Variants in DPP6 observed in about 807,000 individuals in gnomAD.
DPP6 encodes the protein dipeptidyl peptidase like 6, also known as A-type potassium channel modulatory protein DPP6.
Under a neutral mutation model 122.6 loss-of-function variants are expected in DPP6, and 69 were observed. The observed-to-expected ratio is 0.56, with a 90% CI of 0.46 to 0.69. DPP6 has a LOEUF of 0.69. DPP6 is among the 30% of genes least tolerant of loss of function. The pLI is 0.00. For synonymous variants in DPP6, 418 were observed against 433.1 expected, an observed-to-expected ratio of 0.97 and a Z score of 0.43; for missense variants, 928 against 1,116.9, an observed-to-expected ratio of 0.83 and a Z score of 2.41.
the DPP6 span, among the ~76,000 whole-genome samples, chr7:153,833,681 A>AT: frequency 6.6e-6 from 1 of 151,974 alleles, no homozygotes; most frequent in Admixed American, 6.6e-5. Context: ...CTCAAAAAAA[A>AT]AAAAGGTGGG....
At chr7:154,505,390 T>G (rs1249035002) in intron 3 of DPP6, among the ~76,000 whole-genome samples, 1 of 152,230 alleles carries the variant, frequency 6.6e-6, no homozygotes. Context: ...AGTATTGATA[T>G]AATGCATCAC....
intron 3 of DPP6, among the ~76,000 whole-genome samples, chr7:154,515,511 T>C (rs934816568): frequency 2.6e-5 from 4 of 152,086 alleles, no homozygotes; most frequent in Non-Finnish European, 5.9e-5. Flanking sequence ...CCTTCCTTCC[T>C]GTCTCCCAGG....
In DPP6 at chr7:154,053,020, C is replaced by T. The variant is rs1800491006; in HGVS notation, c.200C>T (p.Pro67Leu). The T allele has an allele frequency of 9.4e-7, 1 of 1,059,840 alleles. No individual in the cohort carries two copies. The highest frequency in any genetic ancestry group is 1.1e-6 in the Non-Finnish European group (1 of 877,540). The allele number at this position is 1,059,840 out of a possible 1,614,324, so 65.7% of individuals were successfully genotyped here. The change falls in exon 1 of 26, where the codon CCC becomes CTC. Residue 67 changes from proline (P) to leucine (L), a missense_variant. Pro to Leu is a moderately conservative substitution (Grantham distance 98). Transcript: ENST00000377770. ...GGGGGGAGGR[P>L]RFQYQARSDG... ...GGCGGCGGCGGCGCGGGTGGCCGGC[C>T]CCGGTTCCAGTACCAGGCGCGGAGC...
At chr7:154,710,936 T>G (rs1841139459) in intron 7 of DPP6, among the ~76,000 whole-genome samples, 1 of 152,240 alleles carries the variant, frequency 6.6e-6, no homozygotes, top group Admixed American at 6.5e-5. Context: ...ATAAATTATG[T>G]TCTATATTAC....
At chr7:153,822,001 T>C in the DPP6 span, among the ~76,000 whole-genome samples, 3 of 152,176 alleles carry the variant, frequency 2.0e-5, no homozygotes, top group Admixed American at 2.0e-4. Flanking sequence ...TGTAGCTAAA[T>C]ATTCCCAACT....
intron 21 of DPP6, chr7:154,884,890 CAT>C (rs917369993): frequency 1.2e-4 from 18 of 152,404 alleles, no homozygotes; most frequent in African/African-American, 4.3e-4. Context: ...TTTATACACA[CAT>C]ATCACACACA....
rs1294966845 is a variant in DPP6 at position 153,961,761 on chromosome 7, T to C, written c.51+74027T>C. ...GGGGATGATGGGAGACAGTGACAGATCATCAGGCATTGGATTCTCATAAGG... is the reference window on the plus strand; with the variant it reads ...GGGGATGATGGGAGACAGTGACAGACCATCAGGCATTGGATTCTCATAAGG... On this transcript the variant is annotated intron_variant, in intron 1 of 25. Transcript: ENST00000404039. Among the ~76,000 whole-genome samples, 6 of 122,130 alleles carry C rather than the reference T, an allele frequency of 4.9e-5. No homozygotes were observed. The East Asian group carries it at 1.6e-3, about 33-fold the overall frequency. The allele number at this position is 122,130 out of a possible 152,430, so 80.1% of individuals were successfully genotyped here.
intron 1 of DPP6, among the ~76,000 whole-genome samples, chr7:154,165,984 A>G (rs909044999): frequency 7.2e-5 from 11 of 152,150 alleles, no homozygotes; most frequent in African/African-American, 2.2e-4. Context: ...TTTTGTTCCA[A>G]CTAATACCTC....
At chr7:154,005,526 GA>G (rs1331016460) in intron 1 of DPP6, among the ~76,000 whole-genome samples, 1 of 151,676 alleles carries the variant, frequency 6.6e-6, no homozygotes, top group Non-Finnish European at 1.5e-5. Context: ...ATAGCTTATC[GA>G]AAAATTAGGC....
chr7:153,792,780 T>C, the DPP6 span, among the ~76,000 whole-genome samples: 2 of 151,644 alleles, frequency 1.3e-5, no homozygotes, highest in Admixed American at 1.3e-4. Context: ...GAATTGTATC[T>C]CCCAGAAGTC....
At chr7:154,886,807 G>A (rs113763294) in intron 22 of DPP6, among the ~76,000 whole-genome samples, 121 of 152,278 alleles carry the variant, frequency 7.9e-4, no homozygotes, top group African/African-American at 2.5e-3. Flanking sequence ...AGCAAGGCAG[G>A]GACCACGGTG....
intron 19 of DPP6, among the ~76,000 whole-genome samples, chr7:154,874,830 C>A (rs1253032784): frequency 6.6e-6 from 1 of 152,240 alleles, no homozygotes; most frequent in Non-Finnish European, 1.5e-5. Flanking sequence ...AAAACTTCCC[C>A]ACACCCATAA....
At chr7:153,791,501 C>T in the DPP6 span, among the ~76,000 whole-genome samples, 32 of 137,490 alleles carry the variant, frequency 2.3e-4, no homozygotes, top group East Asian at 6.2e-3. Flanking sequence ...TCACTGCAAC[C>T]TCTGCCTCCC....
intron 1 of DPP6, among the ~76,000 whole-genome samples, chr7:154,276,450 A>G (rs2150942720): frequency 6.6e-6 from 1 of 152,366 alleles, no homozygotes; most frequent in East Asian, 1.9e-4. Flanking sequence ...AATGGCATTG[A>G]TAAGGTCAAT....
At position 154,241,433 on chromosome 7, in the gene DPP6, A is replaced by G. The variant is rs1197344953; in HGVS notation, c.243+188370A>G. On this transcript the variant is annotated intron_variant, in intron 1 of 25. Transcript: ENST00000377770. The surrounding 1 kb of genome is among the most constrained non-coding windows in gnomAD (Gnocchi z 9.0). ...ACTCACACCTGGCGTGGAGGTGAGC[A>G]CCTGTAGTCCTGGCTATTTGGGAGG... 6.6e-6 allele frequency among the ~76,000 whole-genome samples: 1 copy of G among 151,976 alleles called. No homozygotes were observed. The highest frequency in any genetic ancestry group is 1.5e-5 in the Non-Finnish European group (1 of 68,008).
intron 1 of DPP6, among the ~76,000 whole-genome samples, chr7:154,079,738 A>G (rs1585329930): frequency 6.6e-6 from 1 of 151,988 alleles, no homozygotes; most frequent in East Asian, 1.9e-4. Context: ...CAGAGTCTGG[A>G]CTTTGCTCCT....
chr7:153,957,619 G>A (rs776303238), intron 1 of DPP6, among the ~76,000 whole-genome samples: 1 of 152,176 alleles, frequency 6.6e-6, no homozygotes, highest in Non-Finnish European at 1.5e-5. Flanking sequence ...TACATCGCTA[G>A]TTTATGGAAG....
Position 154,060,290 on chromosome 7 carries a change from C to A in DPP6, c.243+7227C>A, listed in dbSNP as rs562081617. On this transcript the variant is annotated intron_variant, in intron 1 of 25. Transcript: ENST00000377770. ...CGCGAGGCAGGGACTGAGAGGCAAT[C>A]CCTCTTCCCCCCCTGGCTCTTAGGA... Among the ~76,000 whole-genome samples the A allele has an allele frequency of 3.3e-4, 38 of 115,972 alleles. 1 individual carries two copies. The highest frequency in any genetic ancestry group is 1.2e-3 in the African/African-American group (37 of 30,488). 76.1% of individuals were successfully genotyped at this position (115,972 alleles called of 152,430 possible).
At chr7:154,089,326 G>C (rs1293736736) in intron 1 of DPP6, among the ~76,000 whole-genome samples, 1 of 139,764 alleles carries the variant, frequency 7.2e-6, no homozygotes, top group African/African-American at 2.8e-5. Context: ...GCCAATGCTA[G>C]GGAGGGCATT....
Sources: allele counts gnomAD v4.1 joint callset (sites outside exome capture counted in the v4.1 genomes callset), GRCh38; gene constraint gnomAD v4.1.1; non-coding constraint Gnocchi (gnomAD v3.1); transcripts MANE v1.5; gene names NCBI Gene and HGNC (gene_info 2026-07-23, HGNC 2026-07-21).